MPP3: variants seen among roughly 807,000 people sequenced by gnomAD.
MPP3 encodes the protein MAGUK p55 subfamily member 3.
Under a neutral mutation model 80.7 loss-of-function variants are expected in MPP3, and 48 were observed. The observed-to-expected ratio is 0.59, with a 90% CI of 0.47 to 0.76. The LOEUF (loss-of-function observed/expected upper bound fraction) is 0.76. MPP3 is among the 30% of genes least tolerant of loss of function. MPP3 has a pLI of 0.00. For missense variants in MPP3, 620 were observed against 763.0 expected (o/e 0.81, Z 2.21); for synonymous variants, 311 against 297.6 (o/e 1.04, Z -0.46).
At chr17:43,817,555 T>C (rs1180008555) in intron 12 of MPP3, among the ~76,000 whole-genome samples, 1 of 152,204 alleles carries the variant, frequency 6.6e-6, no homozygotes, top group Non-Finnish European at 1.5e-5. Context: ...AACATACTTA[T>C]ACTAGAAACC....
In MPP3 at chr17:43,810,806, C is replaced by T; in HGVS notation, c.1458+1G>A. 6.2e-7 allele frequency: 1 copy of T among 1,600,130 alleles called. No homozygotes were observed. Among genetic ancestry groups the T allele is most frequent in the Non-Finnish European group, 8.5e-7 (1 of 1,174,546 alleles). Reference sequence around the variant, plus strand: ...AATGGCCAGCAGGCCCAGCAACTCACTTCTGGCTCCACATCCACCAAACAA... The same window carrying T: ...AATGGCCAGCAGGCCCAGCAACTCATTTCTGGCTCCACATCCACCAAACAA... On this transcript the variant is annotated splice_donor_variant, in intron 18 of 19. Transcript: ENST00000398389. LOFTEE classifies it high-confidence loss of function.
At chr17:43,815,100 A>C (rs1352298958) in intron 14 of MPP3, among the ~76,000 whole-genome samples, 1 of 152,238 alleles carries the variant, frequency 6.6e-6, no homozygotes, top group African/African-American at 2.4e-5. Context: ...TGGTAGGCCA[A>C]GGCAGGCAGA....
In MPP3 at chr17:43,812,940, G is replaced by A. The variant is rs2044936819; in HGVS notation, c.1255+1071C>T. Among the ~76,000 whole-genome samples the A allele has an allele frequency of 2.0e-5, 3 of 152,318 alleles. No individual in the cohort carries two copies. In the South Asian group the frequency reaches 6.2e-4, roughly 32 times the overall value. ...ACTTCAGATTGGGCTGTGGAAGACA[G>A]CTCTGACAACCCACAGACTAGACGC... On this transcript the variant is annotated intron_variant, in intron 16 of 19. Transcript: ENST00000398389.
chr17:43,829,788 C>A lies in MPP3; in HGVS notation c.307G>T (p.Val103Leu). Residue 103 changes from valine (V) to leucine (L), a missense_variant, in exon 7 of 20, where the codon GTG becomes TTG. Val to Leu is a conservative substitution (Grantham distance 32, BLOSUM62 1). Transcript: ENST00000398389. ...QLLSTPHLRA[V>L]LMVHDTVAQK... ...GCAACCGTGTCATGTACCATGAGCA[C>A]AGCCTGCCGGGAAAGCCAGAGAAAA... The A allele has an allele frequency of 6.2e-7, 1 of 1,613,438 alleles. No homozygotes were observed. Among genetic ancestry groups the A allele is most frequent in the South Asian group, 1.1e-5 (1 of 91,064 alleles).
At chr17:43,827,716 C>G in intron 8 of MPP3, 35 bp downstream of exon 8, 1 of 1,601,850 alleles carries the variant, frequency 6.2e-7, no homozygotes, top group Non-Finnish European at 8.5e-7. Context: ...TGGCCATGAT[C>G]GGGGCTGGGC....
intron 8 of MPP3, among the ~76,000 whole-genome samples, chr17:43,827,018 T>TTTTCTTTTTC (rs113719622): frequency 2.2e-4 from 31 of 141,922 alleles, no homozygotes; most frequent in Middle Eastern, 3.7e-3. Context: ...TTCTTTTTCT[T>TTTTCTTTTTC]TTTTTCTTTT....
intron 1 of MPP3, 58 bp downstream of exon 1, chr17:43,833,043 C>T (rs987060211): frequency 6.6e-6 from 1 of 151,644 alleles, no homozygotes; most frequent in African/African-American, 2.4e-5. Context: ...GGCCCGGCCT[C>T]CCGCCCCTCC....
chr17:43,819,520 A>G (rs767228780), intron 11 of MPP3, among the ~76,000 whole-genome samples: 13 of 152,206 alleles, frequency 8.5e-5, no homozygotes, highest in Admixed American at 2.0e-4. Flanking sequence ...GAACTCACAC[A>G]GCACCATGTC....
rs755650515 is a variant in MPP3 at position 43,821,052 on chromosome 17, T to C, written c.691A>G (p.Met231Val). 1.2e-6 allele frequency: 2 copies of C among 1,613,694 alleles called. No individual in the cohort carries two copies. Among genetic ancestry groups the C allele is most frequent in the Non-Finnish European group, 1.7e-6 (2 of 1,179,942 alleles). The change falls in exon 11 of 20, where the codon ATG becomes GTG. Residue 231 changes from methionine (M) to valine (V), a missense_variant. Physicochemically the swap from Met to Val is conservative, Grantham distance 21 (BLOSUM62 1). Coordinates refer to ENST00000398389, the MANE Select transcript of MPP3 (RefSeq NM_001932.6). ...GGGTTGTAGTGGAAGAGGGCGCGCA[T>C]GAACACCTGCACAAGGAGGGCTCTG... ...EDRLKESKVFMRALFHYNPRE... is the reference protein window; with the variant it reads ...EDRLKESKVFVRALFHYNPRE...
chr17:43,816,813 C>G, intron 12 of MPP3, 116 bp from the exon 13 acceptor site: 1 of 937,806 alleles, frequency 1.1e-6, no homozygotes. Context: ...GCCTCTTTCC[C>G]TTTCCTCCAA....
chr17:43,827,690 G>A, intron 8 of MPP3, 61 bp downstream of exon 8: 2 of 1,542,116 alleles, frequency 1.3e-6, no homozygotes, highest in South Asian at 1.1e-5. Flanking sequence ...AGCAAAGGTG[G>A]AGGGCTCTGG....
In MPP3 at chr17:43,816,682, T is replaced by A. The variant is rs1398461663; in HGVS notation, c.962A>T (p.Asp321Val). 2 of 1,577,346 alleles carry A rather than the reference T, an allele frequency of 1.3e-6. No individual in the cohort carries two copies. Among genetic ancestry groups the A allele is most frequent in the Non-Finnish European group, 8.6e-7 (1 of 1,160,920 alleles). The change falls in exon 13 of 20, where the codon GAC (aspartate) becomes GTC (valine). Residue 321 changes from aspartate (D) to valine (V), a missense_variant. Transcript: ENST00000398389. ...CGGATAGATACTGGGCCTACCTTTG[T>A]CACAAGGCTGATCATCTGCGGTTTG... ...LRKPPYDQPCDKETCDCEGYL... is the reference protein window; with the variant it reads ...LRKPPYDQPCVKETCDCEGYL...
chr17:43,826,877 C>A (rs1424006458), intron 8 of MPP3, among the ~76,000 whole-genome samples: 1 of 149,324 alleles, frequency 6.7e-6, no homozygotes, highest in Non-Finnish European at 1.5e-5. Flanking sequence ...ACTGCGTCGC[C>A]CACTCTAGAG....
At chr17:43,816,794 C>T (rs1000832002) in intron 12 of MPP3, 97 bp from the exon 13 acceptor site, 13 of 1,133,616 alleles carry the variant, frequency 1.1e-5, no homozygotes, top group East Asian at 2.6e-5. Context: ...CTGAGGAGCC[C>T]GCCATCTGGC....
chr17:43,810,955 A>G, intron 17 of MPP3, 40 bp from the exon 18 acceptor site: 1 of 1,519,404 alleles, frequency 6.6e-7, no homozygotes, highest in Non-Finnish European at 9.0e-7. Context: ...TTAGTTCCTC[A>G]GCTTTCCTAA....
chr17:43,829,051 T>C (rs770248131), intron 7 of MPP3, among the ~76,000 whole-genome samples: 17 of 152,226 alleles, frequency 1.1e-4, no homozygotes, highest in Admixed American at 2.0e-4. Flanking sequence ...TTCCACCACT[T>C]CTGAGCATCT....
At chr17:43,818,426 G>A (rs1178703726) in intron 11 of MPP3, among the ~76,000 whole-genome samples, 1 of 152,170 alleles carries the variant, frequency 6.6e-6, no homozygotes, top group East Asian at 1.9e-4. Context: ...TTTCTAAGGA[G>A]AGGCAGCCCC....
chr17:43,804,601 A>G (rs1411976227), intron 19 of MPP3, among the ~76,000 whole-genome samples: 2 of 152,260 alleles, frequency 1.3e-5, no homozygotes, highest in Admixed American at 1.3e-4. Flanking sequence ...AAGAAAACAA[A>G]GGAGTAAATC....
At chr17:43,831,514 A>C (rs201323576) in intron 4 of MPP3, 45 bp downstream of exon 4, 1 of 1,479,010 alleles carries the variant, frequency 6.8e-7, no homozygotes, top group East Asian at 2.3e-5. Context: ...GACAGCTAGA[A>C]AGACCTCTAG....
Sources: allele counts gnomAD v4.1 joint callset (sites outside exome capture counted in the v4.1 genomes callset), GRCh38; gene constraint gnomAD v4.1.1; transcripts MANE v1.5; gene names NCBI Gene and HGNC (gene_info 2026-07-23, HGNC 2026-07-21).